FIGN: variants seen among roughly 807,000 people sequenced by gnomAD.
FIGN encodes the protein fidgetin, microtubule severing factor.
In FIGN, 11 loss-of-function variants were observed where a neutral mutation model predicts 51.3. That is an observed-to-expected ratio of 0.21 (90% CI 0.13 to 0.35). The LOEUF (loss-of-function observed/expected upper bound fraction) is 0.35. FIGN is among the 10% of genes least tolerant of loss of function. FIGN has a pLI of 1.00. For synonymous variants in FIGN, 407 were observed against 363.2 expected (o/e 1.12, Z -1.37); for missense variants, 857 against 943.6 (o/e 0.91, Z 1.20).
At position 163,610,742 on chromosome 2, in the gene FIGN, C is replaced by A; in HGVS notation, c.1090G>T (p.Gly364Cys). The change falls in exon 3 of 3, where the codon GGC (glycine) becomes TGC (cysteine). Residue 364 changes from glycine (G) to cysteine (C), a missense_variant. Transcript: ENST00000333129. Reference protein sequence around the residue: ...NSISNTNRGNGFDRSAETSSL... With the variant: ...NSISNTNRGNCFDRSAETSSL... Reference sequence around the variant, plus strand: ...GATGTTTCAGCACTTCTGTCAAAGCCATTCCCCCGATTTGTGTTTGAAATG... The same window carrying A: ...GATGTTTCAGCACTTCTGTCAAAGCAATTCCCCCGATTTGTGTTTGAAATG... 1 of 1,614,186 alleles carries A rather than the reference C, an allele frequency of 6.2e-7. No individual in the cohort carries two copies. The highest frequency in any genetic ancestry group is 8.5e-7 in the Non-Finnish European group (1 of 1,180,026).
intron 2 of FIGN, among the ~76,000 whole-genome samples, chr2:163,673,986 AC>A (rs1262272923): frequency 6.6e-6 from 1 of 152,214 alleles, no homozygotes; most frequent in African/African-American, 2.4e-5. Context: ...TACATAGCTA[AC>A]ATTTATTAAT....
intron 2 of FIGN, among the ~76,000 whole-genome samples, chr2:163,625,787 G>A (rs1683045728): frequency 6.6e-6 from 1 of 151,932 alleles, no homozygotes; most frequent in South Asian, 2.1e-4. Flanking sequence ...TGTAGTAATG[G>A]AATGAAACCT....
chr2:163,609,454 CA>C lies in FIGN; in HGVS notation c.*97del. The C allele has an allele frequency of 9.7e-7, 1 of 1,035,496 alleles. No individual in the cohort carries two copies. Among genetic ancestry groups the C allele is most frequent in the Non-Finnish European group, 1.4e-6 (1 of 719,360 alleles). The allele number at this position is 1,035,496 out of a possible 1,614,324, so 64.1% of individuals were successfully genotyped here. A position where few individuals can be genotyped will look rare whatever the true frequency, so the allele number is the denominator to read the frequency against. ...TCGTCATCTTCCCCAGTACCCTTTG[CA>C]ATTTAAACTCTACTGGAAAGGGGCT... On this transcript the variant is annotated 3_prime_UTR_variant, in exon 3 of 3. Transcript: ENST00000333129.
chr2:163,720,483 T>C (rs1255678544), intron 2 of FIGN, among the ~76,000 whole-genome samples: 2 of 152,214 alleles, frequency 1.3e-5, no homozygotes, highest in Non-Finnish European at 2.9e-5. Flanking sequence ...GGGACAAATA[T>C]ATTCAAGCCA....
intron 2 of FIGN, among the ~76,000 whole-genome samples, chr2:163,673,860 G>A (rs1406426722): frequency 6.6e-6 from 1 of 152,040 alleles, no homozygotes; most frequent in African/African-American, 2.4e-5. Context: ...AAGACTTAAA[G>A]GTGAACATGT....
At chr2:163,675,089 T>A (rs183979470) in intron 2 of FIGN, among the ~76,000 whole-genome samples, 8 of 152,334 alleles carry the variant, frequency 5.3e-5, no homozygotes, top group Admixed American at 1.3e-4. Flanking sequence ...AGACAATGGA[T>A]TTTTTCCATG....
intron 2 of FIGN, among the ~76,000 whole-genome samples, chr2:163,640,454 A>C (rs1233832274): frequency 6.6e-6 from 1 of 152,136 alleles, no homozygotes; most frequent in Non-Finnish European, 1.5e-5. Flanking sequence ...CTACACACTT[A>C]TTTCTACATT....
intron 2 of FIGN, among the ~76,000 whole-genome samples, chr2:163,694,125 C>A (rs1229758728): frequency 1.3e-5 from 2 of 152,074 alleles, no homozygotes; most frequent in African/African-American, 4.8e-5. Flanking sequence ...TTTGGTGGAG[C>A]TTTTTATTCT....
At position 163,666,987 on chromosome 2, in the gene FIGN, A is replaced by G. The variant is rs895521891; in HGVS notation, c.26-55181T>C. 2.6e-5 allele frequency among the ~76,000 whole-genome samples: 4 copies of G among 152,198 alleles called. No homozygotes were observed. The South Asian group carries it at 8.3e-4, about 32-fold the overall frequency. ...TATATATATATGTATAAAAATGTACAAAATATAATCAATGTATACCGTATT... is the reference window on the plus strand; with the variant it reads ...TATATATATATGTATAAAAATGTACGAAATATAATCAATGTATACCGTATT... On this transcript the variant is annotated intron_variant, in intron 2 of 2. Transcript: ENST00000333129.
chr2:163,634,697 T>C (rs1048290150), intron 2 of FIGN, among the ~76,000 whole-genome samples: 5 of 152,242 alleles, frequency 3.3e-5, no homozygotes, highest in African/African-American at 1.2e-4. Flanking sequence ...CTCTATAGCA[T>C]AGCATTCATT....
chr2:163,733,504 C>T (rs1473445850), intron 2 of FIGN, among the ~76,000 whole-genome samples: 2 of 152,194 alleles, frequency 1.3e-5, no homozygotes, highest in East Asian at 3.9e-4. Context: ...ACAGCTTTAA[C>T]ATCACAGAGG....
In FIGN at chr2:163,610,622, A is replaced by G; in HGVS notation, c.1210T>C (p.Tyr404His). Residue 404 changes from tyrosine (Y) to histidine (H), a missense_variant, in exon 3 of 3, where the codon TAC becomes CAC. Tyr to His is a moderately conservative substitution (Grantham distance 83, BLOSUM62 2). Coordinates refer to ENST00000333129, the MANE Select transcript of FIGN (RefSeq NM_018086.4). ...CCCAATGAATTTTTAGCAGTACTGT[A>G]GGAAGGAGGGGTCAGAGCCCTACTG... is the stretch of plus-strand genomic sequence containing the variant. Reference protein sequence around the residue: ...QSSRALTPPSYSTAKNSLGSR... With the variant: ...QSSRALTPPSHSTAKNSLGSR... 1 of 1,614,188 alleles carries G rather than the reference A, an allele frequency of 6.2e-7. No homozygotes were observed. The highest frequency in any genetic ancestry group is 8.5e-7 in the Non-Finnish European group (1 of 1,180,016).
intron 2 of FIGN, among the ~76,000 whole-genome samples, chr2:163,615,379 G>A (rs1682857539): frequency 6.6e-6 from 1 of 152,188 alleles, no homozygotes; most frequent in Non-Finnish European, 1.5e-5. Context: ...GTGTTCAGGA[G>A]ATTGTCTTGG....
intron 2 of FIGN, among the ~76,000 whole-genome samples, chr2:163,704,198 A>G (rs1684454845): frequency 2.0e-5 from 3 of 152,176 alleles, no homozygotes; most frequent in South Asian, 4.1e-4. Context: ...ATATGCTTAC[A>G]TGAATAATAA....
chr2:163,697,187 GC>G (rs1684335703), intron 2 of FIGN, among the ~76,000 whole-genome samples: 1 of 136,866 alleles, frequency 7.3e-6, no homozygotes, highest in Non-Finnish European at 1.5e-5. Flanking sequence ...TGCAACTTCT[GC>G]CTCCCGGGTT....
intron 2 of FIGN, among the ~76,000 whole-genome samples, chr2:163,731,902 G>A (rs1184312619): frequency 6.6e-6 from 1 of 152,052 alleles, no homozygotes; most frequent in East Asian, 1.9e-4. Context: ...TGATTAATTA[G>A]CAAGTATTAC....
intron 2 of FIGN, among the ~76,000 whole-genome samples, chr2:163,701,829 A>G (rs564937554): frequency 6.6e-6 from 1 of 152,174 alleles, no homozygotes; most frequent in Non-Finnish European, 1.5e-5. Context: ...TAACTTTAAC[A>G]TGACACTTGA....
At position 163,611,267 on chromosome 2, in the gene FIGN, A is replaced by G; in HGVS notation, c.565T>C (p.Tyr189His). Residue 189 changes from tyrosine to histidine, a missense_variant, in exon 3 of 3, where the codon TAC (tyrosine) becomes CAC (histidine). Tyr to His is a moderately conservative substitution (Grantham distance 83). Transcript: ENST00000333129. Reference sequence around the variant, plus strand: ...GTAGAATGCAAATATGATCCGTTGTATCCTGGGGCATATTCCTGAGATGGG... The same window carrying G: ...GTAGAATGCAAATATGATCCGTTGTGTCCTGGGGCATATTCCTGAGATGGG... ...GLPSQEYAPG[Y>H]NGSYLHSTYS... The G allele has an allele frequency of 6.2e-7, 1 of 1,614,104 alleles. No individual in the cohort carries two copies. The highest frequency in any genetic ancestry group is 8.5e-7 in the Non-Finnish European group (1 of 1,180,006).
chr2:163,630,553 C>G (rs567598699), intron 2 of FIGN, among the ~76,000 whole-genome samples: 1 of 151,934 alleles, frequency 6.6e-6, no homozygotes, highest in Admixed American at 6.6e-5. Context: ...AGAAAATCAC[C>G]ACCTGCAAGC....
Sources: gnomAD v4.1 joint callset for allele counts (sites outside exome capture counted in the v4.1 genomes callset) on GRCh38, gnomAD v4.1.1 for gene constraint, MANE v1.5 for transcripts, NCBI Gene and HGNC (gene_info 2026-07-23, HGNC 2026-07-21) for gene names.